MACROD2: variants seen among roughly 807,000 people sequenced by gnomAD.
MACROD2 encodes mono-ADP ribosylhydrolase 2.
Under a neutral mutation model 70.4 loss-of-function variants are expected in MACROD2, and 36 were observed. The observed-to-expected ratio is 0.51, with a 90% CI of 0.39 to 0.68. MACROD2 has a LOEUF of 0.68. MACROD2 is among the 30% of genes least tolerant of loss of function. The probability of loss-of-function intolerance (pLI) is 0.00; values close to 1 mark genes in which losing one functional copy is unlikely to be tolerated. For synonymous variants in MACROD2, 172 were observed against 178.8 expected (o/e 0.96, Z 0.30); for missense variants, 496 against 538.4 (o/e 0.92, Z 0.78).
intron 6 of MACROD2, among the ~76,000 whole-genome samples, chr20:15,352,713 C>G (rs1208301227): frequency 6.6e-6 from 1 of 152,062 alleles, no homozygotes; most frequent in African/African-American, 2.4e-5. Context: ...CAATAAGAGA[C>G]AAACAGAGAG....
At chr20:14,198,105 A>T (rs78182135) in intron 3 of MACROD2, among the ~76,000 whole-genome samples, 48 of 151,764 alleles carry the variant, frequency 3.2e-4, no homozygotes, top group African/African-American at 1.1e-3. Flanking sequence ...ACTTTATTGC[A>T]GGCTGGAGGG....
chr20:15,390,759 A>G lies in MACROD2; in HGVS notation c.541-40646A>G, dbSNP rs139878940. Among the ~76,000 whole-genome samples, 611 of 152,356 alleles carry G rather than the reference A, an allele frequency of 4.0e-3. 6 individuals carry two copies. Among genetic ancestry groups the G allele is most frequent in the African/African-American group, 0.014 (593 of 41,580 alleles). On this transcript the variant is annotated intron_variant, in intron 6 of 17. Coordinates refer to ENST00000684519, the MANE Select transcript of MACROD2 (RefSeq NM_001351661.2). ...TTCAAAATGTTTGCATTTTAAATGCAACCAGAAAAGAACTATTTGAATAAG... is the reference window on the plus strand; with the variant it reads ...TTCAAAATGTTTGCATTTTAAATGCGACCAGAAAAGAACTATTTGAATAAG...
intron 5 of MACROD2, among the ~76,000 whole-genome samples, chr20:14,744,201 G>A (rs2071769757): frequency 2.6e-5 from 4 of 152,160 alleles, no homozygotes; most frequent in African/African-American, 9.7e-5. Context: ...ATGATATAAA[G>A]TGAGGTATAT....
chr20:16,026,077 C>G (rs2067075484), intron 15 of MACROD2, among the ~76,000 whole-genome samples: 1 of 152,040 alleles, frequency 6.6e-6, no homozygotes, highest in Non-Finnish European at 1.5e-5. Context: ...CGCTTGAACC[C>G]AGGAGGTGAA....
chr20:14,707,572 A>G (rs1221746486), intron 5 of MACROD2, among the ~76,000 whole-genome samples: 1 of 152,122 alleles, frequency 6.6e-6, no homozygotes, highest in African/African-American at 2.4e-5. Context: ...TGTTTCCTCT[A>G]TGAGGCTCAC....
chr20:15,850,008 T>G (rs888140090), intron 8 of MACROD2, among the ~76,000 whole-genome samples: 1 of 152,172 alleles, frequency 6.6e-6, no homozygotes, highest in Non-Finnish European at 1.5e-5. Context: ...CCGTACCTTA[T>G]CGGAGTGAGA....
intron 5 of MACROD2, among the ~76,000 whole-genome samples, chr20:15,188,037 T>C (rs555672704): frequency 1.1e-4 from 17 of 152,188 alleles, no homozygotes; most frequent in South Asian, 2.1e-4. Flanking sequence ...ATCGTAGGAT[T>C]TTTATAAAAT....
chr20:14,397,114 C>T (rs1365549016), intron 3 of MACROD2, among the ~76,000 whole-genome samples: 1 of 150,742 alleles, frequency 6.6e-6, no homozygotes, highest in Non-Finnish European at 1.5e-5. Flanking sequence ...CCTGCCTCAG[C>T]CTCCAGAGTA....
intron 8 of MACROD2, among the ~76,000 whole-genome samples, chr20:15,642,062 T>C (rs1341217737): frequency 6.6e-6 from 1 of 152,202 alleles, no homozygotes; most frequent in East Asian, 1.9e-4. Context: ...AGAAAACCTA[T>C]TTTCTTTCCT....
intron 8 of MACROD2, among the ~76,000 whole-genome samples, chr20:15,759,612 T>TG (rs1417204698): frequency 3.9e-5 from 6 of 152,228 alleles, no homozygotes; most frequent in African/African-American, 1.4e-4. Context: ...TTTGCTTATG[T>TG]GGGACTCTAC....
Position 14,608,706 on chromosome 20 carries a change from A to G in MACROD2, c.302-76137A>G, listed in dbSNP as rs762456013. ...GGGAGAGCGACAAGTGTCAGTATAC[A>G]GTAAATCAGTGAACGAGTATTTGGA... On this transcript the variant is annotated intron_variant, in intron 4 of 17. Transcript: ENST00000684519. Among the ~76,000 whole-genome samples the G allele has an allele frequency of 7.2e-5, 11 of 152,324 alleles. No individual in the cohort carries two copies. In the South Asian group the frequency reaches 1.7e-3, roughly 23 times the overall value.
At chr20:14,969,295 C>A (rs1026313085) in intron 5 of MACROD2, among the ~76,000 whole-genome samples, 2 of 149,424 alleles carry the variant, frequency 1.3e-5, no homozygotes, top group Admixed American at 6.7e-5. Flanking sequence ...CTATATCTTA[C>A]GATTATTTTT....
At chr20:15,201,278 G>C (rs531640250) in intron 5 of MACROD2, among the ~76,000 whole-genome samples, 2 of 152,046 alleles carry the variant, frequency 1.3e-5, no homozygotes, top group Non-Finnish European at 2.9e-5. Flanking sequence ...CAAATGATGA[G>C]TGCCCCCCTC....
intron 3 of MACROD2, among the ~76,000 whole-genome samples, chr20:14,229,210 A>C (rs2081776730): frequency 6.6e-6 from 1 of 152,206 alleles, no homozygotes; most frequent in Admixed American, 6.5e-5. Context: ...ACATGAGAGA[A>C]GAAATTGGCA....
chr20:14,124,525 TTCTTACATGA>T (rs1319530258), intron 3 of MACROD2, among the ~76,000 whole-genome samples: 2 of 152,214 alleles, frequency 1.3e-5, no homozygotes, highest in Admixed American at 1.3e-4. Context: ...TGTTAGGCAC[TTCTTACATGA>T]TCCTGGAACT....
chr20:15,884,231 A>T (rs1601055286), intron 9 of MACROD2, among the ~76,000 whole-genome samples: 1 of 152,074 alleles, frequency 6.6e-6, no homozygotes, highest in African/African-American at 2.4e-5. Flanking sequence ...CACATGATTC[A>T]TTCAAACCTG....
chr20:14,279,602 C>A (rs1170805275), intron 3 of MACROD2, among the ~76,000 whole-genome samples: 1 of 152,156 alleles, frequency 6.6e-6, no homozygotes, highest in Non-Finnish European at 1.5e-5. Context: ...CTCAGAGAGG[C>A]TTGTAACTTC....
At chr20:15,826,399 C>G (rs2063997628) in intron 8 of MACROD2, among the ~76,000 whole-genome samples, 2 of 152,188 alleles carry the variant, frequency 1.3e-5, no homozygotes. Flanking sequence ...ATGCCAGACT[C>G]TCAAGAACTT....
chr20:15,330,679 G>C (rs1243298558), intron 6 of MACROD2, among the ~76,000 whole-genome samples: 1 of 151,702 alleles, frequency 6.6e-6, no homozygotes. Context: ...CCTGTTTGGG[G>C]TGGGGTAGTC....
Sources: gnomAD v4.1 joint callset for allele counts (sites outside exome capture counted in the v4.1 genomes callset) on GRCh38, gnomAD v4.1.1 for gene constraint, MANE v1.5 for transcripts, NCBI Gene and HGNC (gene_info 2026-07-23, HGNC 2026-07-21) for gene names.